NAALADL2: variants seen among roughly 807,000 people sequenced by gnomAD.
NAALADL2 encodes the protein N-acetylated alpha-linked acidic dipeptidase like 2.
In NAALADL2, 76 loss-of-function variants were observed where a neutral mutation model predicts 87.2. The observed-to-expected ratio is 0.87, with a 90% CI of 0.72 to 1.05. The LOEUF (loss-of-function observed/expected upper bound fraction) is 1.05, where lower values mean the gene tolerates loss of function less well. NAALADL2 is among the 50% of genes least tolerant of loss of function. The pLI, the probability that NAALADL2 is intolerant of heterozygous loss-of-function variation, is 0.00. For synonymous variants in NAALADL2, 354 were observed against 331.0 expected (o/e 1.07, Z -0.75); for missense variants, 1,089 against 945.8 (o/e 1.15, Z -1.99).
At chr3:175,172,372 T>C (rs9871190) in intron 2 of NAALADL2, among the ~76,000 whole-genome samples, 16,610 of 152,092 alleles carry the variant, frequency 0.11, 1,033 homozygotes, top group Admixed American at 0.15. Flanking sequence ...TCAATAATAG[T>C]AAAAGGTAAT....
intron 1 of NAALADL2, among the ~76,000 whole-genome samples, chr3:174,443,750 A>C (rs1714841119): frequency 6.6e-6 from 1 of 152,224 alleles, no homozygotes; most frequent in Non-Finnish European, 1.5e-5. Flanking sequence ...GAAACCAAAA[A>C]GGAGTCTGAA....
At chr3:174,882,561 ATATATACATATGTGCT>A (rs1377057662) in intron 1 of NAALADL2, among the ~76,000 whole-genome samples, 2 of 149,678 alleles carry the variant, frequency 1.3e-5, no homozygotes, top group African/African-American at 2.5e-5. Context: ...ACATATGTGT[ATATATACATATGTGCT>A]TATACACATA....
intron 11 of NAALADL2, among the ~76,000 whole-genome samples, chr3:175,661,054 T>G (rs1732177319): frequency 1.3e-5 from 2 of 152,032 alleles, no homozygotes; most frequent in African/African-American, 4.8e-5. Context: ...CTATTTTTAG[T>G]TTTTTGAAGA....
chr3:175,101,803 G>C (rs959868585), intron 2 of NAALADL2, among the ~76,000 whole-genome samples: 1 of 144,234 alleles, frequency 6.9e-6, no homozygotes, highest in Non-Finnish European at 1.6e-5. Context: ...CTGTGAAATG[G>C]TGAGACAAAA....
At chr3:175,361,838 G>A (rs1213142943) in intron 5 of NAALADL2, among the ~76,000 whole-genome samples, 17 of 148,162 alleles carry the variant, frequency 1.1e-4, no homozygotes, top group Non-Finnish European at 1.5e-4. Context: ...TCTGGTGGTA[G>A]TTTCTTTTGC....
At chr3:175,421,070 T>A (rs59034184) in intron 5 of NAALADL2, among the ~76,000 whole-genome samples, 14,347 of 152,022 alleles carry the variant, frequency 0.094, 744 homozygotes, top group Middle Eastern at 0.17. Flanking sequence ...ATTTAGTTAT[T>A]CTCTAAGTTT....
At chr3:174,796,344 A>G (rs1372535492) in intron 3 of NAALADL2, among the ~76,000 whole-genome samples, 1 of 152,130 alleles carries the variant, frequency 6.6e-6, no homozygotes, top group South Asian at 2.1e-4. Context: ...TATACCCATT[A>G]AGTAATTTCT....
At chr3:174,730,605 C>G (rs1560178422) in intron 2 of NAALADL2, among the ~76,000 whole-genome samples, 1 of 151,884 alleles carries the variant, frequency 6.6e-6, no homozygotes, top group East Asian at 1.9e-4. Context: ...AGAAACATAC[C>G]TTTTTTTAAG....
At chr3:174,908,245 C>T (rs187669914) in intron 1 of NAALADL2, among the ~76,000 whole-genome samples, 2 of 152,010 alleles carry the variant, frequency 1.3e-5, no homozygotes, top group East Asian at 1.9e-4. Context: ...GCATTACTAT[C>T]GTCTCTTGTT....
intron 11 of NAALADL2, among the ~76,000 whole-genome samples, chr3:175,662,278 A>G (rs186271471): frequency 1.3e-5 from 2 of 151,954 alleles, no homozygotes; most frequent in East Asian, 1.9e-4. Flanking sequence ...TACTTTCTTG[A>G]TATCTTTTTC....
chr3:175,771,215 C>G (rs1749443378), intron 13 of NAALADL2, among the ~76,000 whole-genome samples: 1 of 152,034 alleles, frequency 6.6e-6, no homozygotes, highest in Admixed American at 6.6e-5. Context: ...TTTCCAAAGC[C>G]AAATTGTTAA....
At chr3:174,811,458 A>C (rs2109296894) in intron 3 of NAALADL2, among the ~76,000 whole-genome samples, 1 of 152,310 alleles carries the variant, frequency 6.6e-6, no homozygotes, top group South Asian at 2.1e-4. Context: ...TGGAACTTTA[A>C]GACTTAATGA....
chr3:175,501,443 A>ACACACACACACACACACAC, intron 9 of NAALADL2, among the ~76,000 whole-genome samples: 1 of 151,798 alleles, frequency 6.6e-6, no homozygotes, highest in African/African-American at 2.4e-5. Flanking sequence ...ACACACACAC[A>ACACACACACACACACACAC]AAGGCAGCAT....
At chr3:174,834,624 TAA>T (rs1290110714) in intron 3 of NAALADL2, among the ~76,000 whole-genome samples, 2 of 151,824 alleles carry the variant, frequency 1.3e-5, no homozygotes, top group African/African-American at 2.4e-5. Flanking sequence ...GTTTAATATA[TAA>T]AAAGTCAATT....
chr3:175,059,177 A>G (rs1377695649), intron 1 of NAALADL2, among the ~76,000 whole-genome samples: 1 of 150,044 alleles, frequency 6.7e-6, no homozygotes, highest in Non-Finnish European at 1.5e-5. Context: ...TTTTTTCTTT[A>G]AACATCTTTT....
intron 4 of NAALADL2, among the ~76,000 whole-genome samples, chr3:175,271,496 TAAAA>T (rs1752828931): frequency 6.6e-6 from 1 of 152,118 alleles, no homozygotes; most frequent in Non-Finnish European, 1.5e-5. Context: ...GTTAAAGCTA[TAAAA>T]TAGGCACTTA....
chr3:174,624,345 C>T lies in NAALADL2; in HGVS notation c.-115+73708C>T, dbSNP rs538077745. Among the ~76,000 whole-genome samples the T allele has an allele frequency of 7.2e-5, 11 of 152,200 alleles. No homozygotes were observed. The South Asian group carries it at 1.2e-3, about 17-fold the overall frequency. ...GAGATAAAAATGTTGGCATCGGGGC[C>T]GGGCGCGGTGGCTCACGCCTGTAAT... On this transcript the variant is annotated intron_variant, in intron 2 of 3. Transcript: ENST00000434257.
At chr3:174,882,603 A>ATACG (rs1729410884) in intron 1 of NAALADL2, among the ~76,000 whole-genome samples, 4 of 134,870 alleles carry the variant, frequency 3.0e-5, no homozygotes, top group African/African-American at 1.3e-4. Flanking sequence ...ATATACACAT[A>ATACG]CATATATGTG....
chr3:175,543,807 A>T (rs1302968015), intron 9 of NAALADL2, among the ~76,000 whole-genome samples: 3 of 152,202 alleles, frequency 2.0e-5, no homozygotes, highest in Non-Finnish European at 4.4e-5. Flanking sequence ...ATTAATGGTA[A>T]GATTTTATTT....
Sources: allele counts gnomAD v4.1 joint callset (sites outside exome capture counted in the v4.1 genomes callset), GRCh38; gene constraint gnomAD v4.1.1; transcripts MANE v1.5; gene names NCBI Gene and HGNC (gene_info 2026-07-23, HGNC 2026-07-21).